CAMKMT: variants seen among roughly 807,000 people sequenced by gnomAD.
The protein encoded by CAMKMT is calmodulin-lysine N-methyltransferase.
A neutral mutation model predicts 48.0 loss-of-function variants in CAMKMT; 53 were observed. The ratio of observed to expected loss-of-function variants is 1.10; its 90% CI spans 0.89 to 1.39. The LOEUF (loss-of-function observed/expected upper bound fraction) is 1.39, where lower values mean the gene tolerates loss of function less well. Ranked by LOEUF, CAMKMT falls within the 40% of genes most tolerant of loss-of-function variation. The pLI is 0.00. For missense variants in CAMKMT, 428 were observed against 402.7 expected, an observed-to-expected ratio of 1.06 and a Z score of -0.54; for synonymous variants, 165 against 152.3, an observed-to-expected ratio of 1.08 and a Z score of -0.61.
intron 3 of CAMKMT, among the ~76,000 whole-genome samples, chr2:44,563,704 A>C (rs1414958040): frequency 6.6e-6 from 1 of 151,554 alleles, no homozygotes; most frequent in Admixed American, 6.6e-5. Flanking sequence ...GTTCCCACCT[A>C]TGAGTGAGAA....
intron 3 of CAMKMT, among the ~76,000 whole-genome samples, chr2:44,532,259 G>A (rs1436441011): frequency 1.3e-5 from 2 of 152,198 alleles, no homozygotes; most frequent in Non-Finnish European, 2.9e-5. Flanking sequence ...ATGTACAAAT[G>A]TCTAGGAGAT....
intron 3 of CAMKMT, among the ~76,000 whole-genome samples, chr2:44,523,303 T>A (rs568427616): frequency 4.7e-5 from 7 of 150,498 alleles, no homozygotes; most frequent in Non-Finnish European, 1.0e-4. Flanking sequence ...TTTTTTTTTT[T>A]TTTTTTGGAG....
At chr2:44,719,476 T>G (rs1678348675) in intron 7 of CAMKMT, among the ~76,000 whole-genome samples, 1 of 152,230 alleles carries the variant, frequency 6.6e-6, no homozygotes, top group Non-Finnish European at 1.5e-5. Context: ...AGGCCGTGCC[T>G]TCTTGGAGTT....
At chr2:44,724,135 G>A (rs1294855680) in intron 7 of CAMKMT, among the ~76,000 whole-genome samples, 1 of 152,124 alleles carries the variant, frequency 6.6e-6, no homozygotes, top group African/African-American at 2.4e-5. Flanking sequence ...GCCAGGTGCA[G>A]TGGCGTGTGC....
rs566907291 is a variant in CAMKMT, at chr2:44,387,208, C to T, written c.312-3033C>T. ...AATTTGGGAGCTCCAGTGTTAGGTACATATATGTTTAGGATCGTGATATTT... is the reference window on the plus strand; with the variant it reads ...AATTTGGGAGCTCCAGTGTTAGGTATATATATGTTTAGGATCGTGATATTT... On this transcript the variant is annotated intron_variant, in intron 2 of 10. Transcript: ENST00000378494. Among the ~76,000 whole-genome samples, 13 of 152,208 alleles carry T rather than the reference C, an allele frequency of 8.5e-5. No individual in the cohort carries two copies. In the Middle Eastern group the frequency reaches 0.01, roughly 119 times the overall value.
chr2:44,626,063 G>T (rs576527861), intron 3 of CAMKMT, among the ~76,000 whole-genome samples: 1 of 152,158 alleles, frequency 6.6e-6, no homozygotes, highest in South Asian at 2.1e-4. Flanking sequence ...GAAGGCTGTT[G>T]TGATTTTAAT....
chr2:44,709,969 C>T (rs949384173), intron 6 of CAMKMT, among the ~76,000 whole-genome samples: 2 of 151,938 alleles, frequency 1.3e-5, no homozygotes, highest in African/African-American at 4.8e-5. Flanking sequence ...AATGGCATAT[C>T]GCATCTGAGT....
At chr2:44,372,912 T>G in intron 2 of CAMKMT, 24 bp downstream of exon 2, 1 of 1,569,490 alleles carries the variant, frequency 6.4e-7, no homozygotes, top group African/African-American at 1.4e-5. Flanking sequence ...TAGTTAAGAT[T>G]TTGTAAACAC....
chr2:44,552,916 T>G (rs531817647), intron 3 of CAMKMT, among the ~76,000 whole-genome samples: 2 of 152,196 alleles, frequency 1.3e-5, no homozygotes, highest in African/African-American at 2.4e-5. Flanking sequence ...AGCAATAATT[T>G]TAAAAGAAAG....
rs573348498 is a variant in CAMKMT, at chr2:44,619,079, A to C, written c.377-85204A>C. 5.9e-5 allele frequency among the ~76,000 whole-genome samples: 9 copies of C among 152,300 alleles called. No individual in the cohort carries two copies. The South Asian group carries it at 1.9e-3, about 32-fold the overall frequency. On this transcript the variant is annotated intron_variant, in intron 3 of 10. Transcript: ENST00000378494. Reference sequence around the variant, plus strand: ...GGCAGATTTTCATGGAAGGGATATAAACAGAAGGATGGAAACATAGATGTA... The same window carrying C: ...GGCAGATTTTCATGGAAGGGATATACACAGAAGGATGGAAACATAGATGTA...
chr2:44,409,601 G>T (rs1362292758), intron 3 of CAMKMT, among the ~76,000 whole-genome samples: 1 of 152,082 alleles, frequency 6.6e-6, no homozygotes, highest in Non-Finnish European at 1.5e-5. Context: ...TCTTACAGTG[G>T]CAGATTTGGA....
chr2:44,654,462 C>T (rs1674258540), intron 3 of CAMKMT, among the ~76,000 whole-genome samples: 1 of 152,074 alleles, frequency 6.6e-6, no homozygotes, highest in African/African-American at 2.4e-5. Context: ...GTTGTATGCC[C>T]TTTAGACCTT....
Position 44,551,667 on chromosome 2 carries a change from G to T in CAMKMT, c.377-152616G>T, listed in dbSNP as rs73924668. ...CTTTTTAAATGGCAGCAGTGGAAAAGATTTGTCGAAAACTCATGTCACTGT... is the reference window on the plus strand; with the variant it reads ...CTTTTTAAATGGCAGCAGTGGAAAATATTTGTCGAAAACTCATGTCACTGT... On this transcript the variant is annotated intron_variant, in intron 3 of 10. Transcript: ENST00000378494. Among the ~76,000 whole-genome samples the T allele has an allele frequency of 2.0e-3, 307 of 152,266 alleles. 2 individuals carry two copies. Among genetic ancestry groups the T allele is most frequent in the African/African-American group, 6.7e-3 (277 of 41,552 alleles).
At chr2:44,471,671 A>G (rs1668425517) in intron 3 of CAMKMT, among the ~76,000 whole-genome samples, 1 of 152,060 alleles carries the variant, frequency 6.6e-6, no homozygotes, top group Middle Eastern at 3.2e-3. Context: ...TAGCTTAAGC[A>G]TTTACTAGCT....
intron 7 of CAMKMT, among the ~76,000 whole-genome samples, chr2:44,733,325 A>G (rs1279717514): frequency 6.6e-6 from 1 of 152,182 alleles, no homozygotes; most frequent in African/African-American, 2.4e-5. Context: ...TGGAAATTCC[A>G]ACTTCCAATT....
intron 3 of CAMKMT, among the ~76,000 whole-genome samples, chr2:44,519,415 C>T (rs895356714): frequency 2.0e-5 from 3 of 152,000 alleles, no homozygotes. Context: ...AATTTTGAAC[C>T]TGTATAATTT....
intron 3 of CAMKMT, among the ~76,000 whole-genome samples, chr2:44,671,973 T>C (rs1675356376): frequency 6.6e-6 from 1 of 152,098 alleles, no homozygotes; most frequent in South Asian, 2.1e-4. Context: ...TTACTGTGAT[T>C]AATATACTTT....
rs185636242 is a variant in CAMKMT at position 44,493,324 on chromosome 2, C to T, written c.376+103019C>T. On this transcript the variant is annotated intron_variant, in intron 3 of 10. Coordinates refer to ENST00000378494, the MANE Select transcript of CAMKMT (RefSeq NM_024766.5). ...TACCTGAGGCCTCAGAAACAAATAT[C>T]TGCCTATATACTGTATATTTGAAAA... Among the ~76,000 whole-genome samples, 29 of 152,272 alleles carry T rather than the reference C, an allele frequency of 1.9e-4. No homozygotes were observed. The East Asian group carries it at 5.0e-3, about 26-fold the overall frequency.
chr2:44,747,734 T>C (rs890453354), intron 8 of CAMKMT, among the ~76,000 whole-genome samples: 4 of 152,248 alleles, frequency 2.6e-5, no homozygotes, highest in African/African-American at 4.8e-5. Context: ...GAATTACAGA[T>C]GCTCTGCAGT....
Sources: gnomAD v4.1 joint callset for allele counts (sites outside exome capture counted in the v4.1 genomes callset) on GRCh38, gnomAD v4.1.1 for gene constraint, MANE v1.5 for transcripts, NCBI Gene and HGNC (gene_info 2026-07-23, HGNC 2026-07-21) for gene names.